MACROD2: variants seen among roughly 807,000 people sequenced by gnomAD.
The protein encoded by MACROD2 is mono-ADP ribosylhydrolase 2, also known as ADP-ribose glycohydrolase MACROD2.
In MACROD2, 36 loss-of-function variants were observed where a neutral mutation model predicts 70.4. The ratio of observed to expected loss-of-function variants is 0.51; its 90% CI spans 0.39 to 0.68. The LOEUF is 0.68. Among genes scored for constraint, MACROD2 ranks in the 30% least tolerant of loss-of-function variants. The pLI, the probability that MACROD2 is intolerant of heterozygous loss-of-function variation, is 0.00. For missense variants in MACROD2, 496 were observed against 538.4 expected (o/e 0.92, Z 0.78); for synonymous variants, 172 against 178.8 (o/e 0.96, Z 0.30).
At chr20:14,323,970 T>TA (rs1168955410) in intron 3 of MACROD2, 5 of 152,178 alleles carry the variant, frequency 3.3e-5, no homozygotes, top group African/African-American at 1.2e-4. Flanking sequence ...CTCTTTGAAG[T>TA]AAAATGATAC....
chr20:14,103,910 A>T (rs1240594037), intron 3 of MACROD2, among the ~76,000 whole-genome samples: 2 of 152,166 alleles, frequency 1.3e-5, no homozygotes, highest in African/African-American at 2.4e-5. Context: ...ATGTTTGTAG[A>T]AATCTTTGAT....
chr20:15,766,966 G>A (rs1177228610), intron 8 of MACROD2, among the ~76,000 whole-genome samples: 2 of 152,142 alleles, frequency 1.3e-5, no homozygotes, highest in Admixed American at 6.5e-5. Context: ...GTCTCTGATC[G>A]TGTAAGATTT....
chr20:15,218,595 T>A (rs1488758126), intron 5 of MACROD2, among the ~76,000 whole-genome samples: 1 of 152,176 alleles, frequency 6.6e-6, no homozygotes, highest in East Asian at 1.9e-4. Flanking sequence ...TCCATGTGAA[T>A]CAGTGTATCT....
At chr20:15,291,028 A>G (rs1305353485) in intron 6 of MACROD2, among the ~76,000 whole-genome samples, 2 of 152,226 alleles carry the variant, frequency 1.3e-5, no homozygotes, top group Non-Finnish European at 1.5e-5. Context: ...CGGTAGGAGA[A>G]AGAAGCAATT....
intron 6 of MACROD2, among the ~76,000 whole-genome samples, chr20:15,311,272 A>T (rs973947301): frequency 6.6e-6 from 1 of 152,218 alleles, no homozygotes; most frequent in Non-Finnish European, 1.5e-5. Context: ...TAGCAAAAAC[A>T]TAAGCAAAAA....
Position 16,051,185 on chromosome 20 carries a change from T to A in MACROD2, c.*1309T>A, listed in dbSNP as rs1052905309. On this transcript the variant is annotated 3_prime_UTR_variant, in exon 18 of 18. Transcript: ENST00000684519. ...TTGTTTTCAGTGGAAACATATCGTTTGTTGCATATCTTCTTAAATCCATCT... is the reference window on the plus strand; with the variant it reads ...TTGTTTTCAGTGGAAACATATCGTTAGTTGCATATCTTCTTAAATCCATCT... The A allele has an allele frequency of 6.6e-6, 1 of 152,220 alleles. No individual in the cohort carries two copies. The highest frequency in any genetic ancestry group is 1.5e-5 in the Non-Finnish European group (1 of 68,042). 9.4% of individuals were successfully genotyped at this position (152,220 alleles called of 1,614,324 possible).
chr20:15,985,755 G>A (rs2066472434), intron 13 of MACROD2: 1 of 152,258 alleles, frequency 6.6e-6, no homozygotes. Context: ...TCCCCGTCAG[G>A]GAACCAAGAA....
chr20:15,997,547 C>A lies in MACROD2; in HGVS notation c.1153+10389C>A, dbSNP rs558939626. ...ATGCACCTGATTTTTCTGTTGATTTCGAATTCGGCAAGTTTAATGAATTTA... is the reference window on the plus strand; with the variant it reads ...ATGCACCTGATTTTTCTGTTGATTTAGAATTCGGCAAGTTTAATGAATTTA... On this transcript the variant is annotated intron_variant, in intron 15 of 17. Transcript: ENST00000684519. Among the ~76,000 whole-genome samples, 3 of 152,140 alleles carry A rather than the reference C, an allele frequency of 2.0e-5. No individual in the cohort carries two copies. In the South Asian group the frequency reaches 6.2e-4, roughly 32 times the overall value.
chr20:15,177,323 A>G (rs2076469730), intron 5 of MACROD2, among the ~76,000 whole-genome samples: 1 of 152,240 alleles, frequency 6.6e-6, no homozygotes, highest in Non-Finnish European at 1.5e-5. Context: ...AAGGTTGAAT[A>G]CGCACTGGTC....
At chr20:14,310,050 CTCTTA>C (rs2082553032) in intron 3 of MACROD2, among the ~76,000 whole-genome samples, 1 of 152,024 alleles carries the variant, frequency 6.6e-6, no homozygotes, top group Non-Finnish European at 1.5e-5. Context: ...AAGTTATTTC[CTCTTA>C]TCTTTTCTTG....
chr20:15,465,560 T>G (rs2046875071), intron 7 of MACROD2, among the ~76,000 whole-genome samples: 1 of 152,260 alleles, frequency 6.6e-6, no homozygotes, highest in African/African-American at 2.4e-5. Context: ...ACACATTTCC[T>G]AGATTCCTTG....
chr20:15,740,147 G>T (rs571361583), intron 8 of MACROD2, among the ~76,000 whole-genome samples: 2 of 152,256 alleles, frequency 1.3e-5, no homozygotes, highest in South Asian at 4.1e-4. Flanking sequence ...AAGAAAATGT[G>T]GAAGAATATG....
At chr20:15,154,806 G>A (rs1386233351) in intron 5 of MACROD2, among the ~76,000 whole-genome samples, 1 of 152,122 alleles carries the variant, frequency 6.6e-6, no homozygotes, top group Non-Finnish European at 1.5e-5. Flanking sequence ...CATGAATTTT[G>A]GGGGAACACA....
At chr20:15,240,561 C>T (rs888084608) in intron 6 of MACROD2, among the ~76,000 whole-genome samples, 3 of 151,850 alleles carry the variant, frequency 2.0e-5, no homozygotes, top group African/African-American at 7.2e-5. Flanking sequence ...GATACCCAGT[C>T]TAAAAAGAAA....
chr20:15,266,910 A>G (rs1475834404), intron 6 of MACROD2, among the ~76,000 whole-genome samples: 1 of 152,226 alleles, frequency 6.6e-6, no homozygotes, highest in Non-Finnish European at 1.5e-5. Flanking sequence ...ACAAGCCTGT[A>G]TTCTAGAGGG....
chr20:14,216,416 T>A (rs1195918727), intron 3 of MACROD2, among the ~76,000 whole-genome samples: 2 of 152,212 alleles, frequency 1.3e-5, no homozygotes, highest in African/African-American at 4.8e-5. Context: ...GGCCTTATAG[T>A]ATAGTTTGAA....
chr20:15,702,379 T>C (rs2050472757), intron 8 of MACROD2, among the ~76,000 whole-genome samples: 4 of 152,224 alleles, frequency 2.6e-5, no homozygotes, highest in Non-Finnish European at 5.9e-5. Context: ...TGAGATGATA[T>C]TTCATTGTGG....
intron 4 of MACROD2, among the ~76,000 whole-genome samples, chr20:14,584,922 C>A (rs1011292489): frequency 2.2e-4 from 34 of 152,226 alleles, no homozygotes; most frequent in African/African-American, 7.5e-4. Context: ...TGATTCTTCC[C>A]TGGGGTTTCT....
chr20:14,472,204 G>A (rs73612361), intron 3 of MACROD2, among the ~76,000 whole-genome samples: 8,216 of 152,130 alleles, frequency 0.054, 411 homozygotes, highest in East Asian at 0.27. Context: ...TAAGCAATCT[G>A]TTCAATCTTT....
Sources: gnomAD v4.1 joint callset for allele counts (sites outside exome capture counted in the v4.1 genomes callset) on GRCh38, gnomAD v4.1.1 for gene constraint, MANE v1.5 for transcripts, NCBI Gene and HGNC (gene_info 2026-07-23, HGNC 2026-07-21) for gene names.